The following ABLIM3 variants were observed in gnomAD, a reference collection of about 807,000 sequenced individuals.
ABLIM3 encodes actin binding LIM protein family member 3, also known as actin-binding LIM protein 3.
ABLIM3 carries 61 observed loss-of-function variants against 109.5 expected under a neutral mutation model. The observed-to-expected ratio is 0.56, with a 90% CI of 0.45 to 0.69. ABLIM3 has a LOEUF of 0.69. Ranked by LOEUF, ABLIM3 falls within the 30% of genes least tolerant of loss-of-function variation. ABLIM3 has a pLI of 0.00. For synonymous variants in ABLIM3, 300 were observed against 324.8 expected, an observed-to-expected ratio of 0.92 and a Z score of 0.82; for missense variants, 796 against 889.5, an observed-to-expected ratio of 0.89 and a Z score of 1.34.
Position 149,197,519 on chromosome 5 carries a change from A to T in ABLIM3, c.152-700A>T, listed in dbSNP as rs369247595. 4.8e-4 allele frequency among the ~76,000 whole-genome samples: 73 copies of T among 152,238 alleles called. 1 individual carries two copies. In the South Asian group the frequency reaches 5.8e-3, roughly 12 times the overall value. Reference sequence around the variant, plus strand: ...CAGCATTTTTAGCTCTTTGAGATTCAGGGATTGTGTTTTATTCTTCCTGCC... The same window carrying T: ...CAGCATTTTTAGCTCTTTGAGATTCTGGGATTGTGTTTTATTCTTCCTGCC... On this transcript the variant is annotated intron_variant, in intron 3 of 23. Coordinates refer to ENST00000309868, the MANE Select transcript of ABLIM3 (RefSeq NM_014945.5).
At chr5:149,189,750 G>T (rs947966035) in intron 3 of ABLIM3, among the ~76,000 whole-genome samples, 4 of 152,172 alleles carry the variant, frequency 2.6e-5, no homozygotes, top group African/African-American at 9.7e-5. Flanking sequence ...ATACATTGCT[G>T]GTGGAAAGGA....
At chr5:149,238,735 C>T (rs888208639) in intron 11 of ABLIM3, among the ~76,000 whole-genome samples, 17 of 152,198 alleles carry the variant, frequency 1.1e-4, no homozygotes, top group South Asian at 4.1e-4. Context: ...AACTGCTGCC[C>T]TCTTCAGTCG....
Position 149,249,162 on chromosome 5 carries a change from T to C in ABLIM3, c.1700-653T>C, listed in dbSNP as rs189703526. On this transcript the variant is annotated intron_variant, in intron 18 of 23. Transcript: ENST00000309868. ...GACTGAGCCAGGATCAGACCCAAGTTGGAGTGGCCCCAAGGCCATGAGCTC... is the reference window on the plus strand; with the variant it reads ...GACTGAGCCAGGATCAGACCCAAGTCGGAGTGGCCCCAAGGCCATGAGCTC... Among the ~76,000 whole-genome samples the C allele has an allele frequency of 1.1e-4, 17 of 152,272 alleles. No homozygotes were observed. The East Asian group carries it at 3.3e-3, about 29-fold the overall frequency.
chr5:149,246,575 A>T lies in ABLIM3; in HGVS notation c.1551+29A>T, dbSNP rs776147272. ...GGCAGAGACCACAGCACTGAATATG[A>T]TGCTTAGAGCGTATATCACTGAGGG... On this transcript the variant is annotated intron_variant, in intron 17 of 23. Transcript: ENST00000309868. 5.0e-6 allele frequency: 8 copies of T among 1,612,168 alleles called. No individual in the cohort carries two copies. In the East Asian group the frequency reaches 1.8e-4, roughly 36 times the overall value.
chr5:149,242,874 A>G (rs571369854), intron 15 of ABLIM3, among the ~76,000 whole-genome samples: 54 of 152,190 alleles, frequency 3.5e-4, no homozygotes, highest in Non-Finnish European at 6.5e-4. Context: ...AATACTTGAA[A>G]TGTTCATTAG....
At chr5:149,216,241 CATA>C (rs1424037383) in intron 7 of ABLIM3, among the ~76,000 whole-genome samples, 2 of 152,158 alleles carry the variant, frequency 1.3e-5, no homozygotes, top group African/African-American at 4.8e-5. Context: ...CTGATTCTTC[CATA>C]ATACTTTAAG....
chr5:149,162,886 C>T (rs1006790975), intron 2 of ABLIM3, among the ~76,000 whole-genome samples: 1 of 152,226 alleles, frequency 6.6e-6, no homozygotes, highest in Non-Finnish European at 1.5e-5. Context: ...TTCTAGGACG[C>T]GTAACCCAGC....
chr5:149,155,655 T>C lies in ABLIM3; in HGVS notation c.13+13547T>C, dbSNP rs145196895. 1.4e-3 allele frequency among the ~76,000 whole-genome samples: 213 copies of C among 152,268 alleles called. 1 individual carries two copies. Among genetic ancestry groups the C allele is most frequent in the African/African-American group, 5.0e-3 (208 of 41,546 alleles). ...GGCTTACTCATTCCTAGGCAGGCAT[T>C]CCACACACCCTAATGCACAATTCCT... is the stretch of plus-strand genomic sequence containing the variant. On this transcript the variant is annotated intron_variant, in intron 2 of 23. Transcript: ENST00000309868.
chr5:149,245,114 A>G, intron 16 of ABLIM3, 99 bp downstream of exon 16: 1 of 1,483,536 alleles, frequency 6.7e-7, no homozygotes, highest in Non-Finnish European at 9.2e-7. Flanking sequence ...AATCATTCTG[A>G]ATAAGAGTGC....
intron 3 of ABLIM3, among the ~76,000 whole-genome samples, chr5:149,184,003 A>G (rs1047005132): frequency 6.2e-5 from 9 of 144,208 alleles, no homozygotes; most frequent in African/African-American, 2.1e-4. Flanking sequence ...TAGCTATTCT[A>G]TGACAATGTA....
chr5:149,146,940 C>T (rs1752987038), intron 2 of ABLIM3, among the ~76,000 whole-genome samples: 1 of 152,136 alleles, frequency 6.6e-6, no homozygotes, highest in Non-Finnish European at 1.5e-5. Context: ...TTCTTCCAAT[C>T]CATGAGCATG....
At chr5:149,237,360 CT>C (rs1752308408) in intron 10 of ABLIM3, 87 bp from the exon 11 acceptor site, 1 of 1,368,698 alleles carries the variant, frequency 7.3e-7, no homozygotes, top group Admixed American at 2.0e-5. Context: ...AAGTTTGTTC[CT>C]TCTGTATCTT....
intron 10 of ABLIM3, 26 bp downstream of exon 10, chr5:149,233,326 AG>A (rs1414652526): frequency 1.5e-5 from 24 of 1,609,660 alleles, no homozygotes; most frequent in Non-Finnish European, 2.0e-5. Flanking sequence ...CTACCACCAA[AG>A]GGCCTTCTTT....
intron 18 of ABLIM3, among the ~76,000 whole-genome samples, chr5:149,249,259 A>C (rs1317729817): frequency 6.6e-6 from 1 of 152,236 alleles, no homozygotes. Flanking sequence ...CAATATGATA[A>C]AGCCAGTCTT....
At chr5:149,189,183 T>C (rs1757253337) in intron 3 of ABLIM3, among the ~76,000 whole-genome samples, 1 of 152,156 alleles carries the variant, frequency 6.6e-6, no homozygotes, top group African/African-American at 2.4e-5. Flanking sequence ...CACTCTTTCT[T>C]TACACATACA....
At chr5:149,221,611 G>C (rs979031035) in intron 8 of ABLIM3, among the ~76,000 whole-genome samples, 1 of 152,182 alleles carries the variant, frequency 6.6e-6, no homozygotes, top group Non-Finnish European at 1.5e-5. Flanking sequence ...TCTTTTAACT[G>C]TGTTTGTAAA....
intron 3 of ABLIM3, among the ~76,000 whole-genome samples, chr5:149,195,029 TC>T (rs1422368548): frequency 6.6e-6 from 1 of 152,238 alleles, no homozygotes; most frequent in East Asian, 1.9e-4. Context: ...CCCTTCTAAC[TC>T]TTGGATTTTG....
intron 8 of ABLIM3, among the ~76,000 whole-genome samples, chr5:149,225,805 G>A (rs892856742): frequency 9.9e-5 from 15 of 151,666 alleles, no homozygotes; most frequent in African/African-American, 3.6e-4. Flanking sequence ...AACATACAAT[G>A]TTTGGTTTTC....
intron 2 of ABLIM3, among the ~76,000 whole-genome samples, chr5:149,182,940 G>A (rs1239329574): frequency 3.3e-5 from 5 of 152,044 alleles, no homozygotes; most frequent in Non-Finnish European, 7.4e-5. Context: ...AAAAGTCTTT[G>A]CTACCTTTGA....
Sources: gnomAD v4.1 joint callset for allele counts (sites outside exome capture counted in the v4.1 genomes callset) on GRCh38, gnomAD v4.1.1 for gene constraint, MANE v1.5 for transcripts, NCBI Gene and HGNC (gene_info 2026-07-23, HGNC 2026-07-21) for gene names.